Variants in DNM2 observed in about 807,000 individuals in gnomAD.
The protein encoded by DNM2 is dynamin-2.
In DNM2, 15 loss-of-function variants were observed where a neutral mutation model predicts 99.0. The ratio of observed to expected loss-of-function variants is 0.15; its 90% CI spans 0.10 to 0.23. The LOEUF is 0.23. Ranked by LOEUF, DNM2 falls within the 10% of genes least tolerant of loss-of-function variation. The pLI is 1.00. For missense variants in DNM2, 742 were observed against 1,189.4 expected, an observed-to-expected ratio of 0.62 and a Z score of 5.53; for synonymous variants, 525 against 481.2, an observed-to-expected ratio of 1.09 and a Z score of -1.19.
chr19:10,818,867 C>T lies in DNM2; in HGVS notation c.1672-1113C>T, dbSNP rs1410589196. Among the ~76,000 whole-genome samples the T allele has an allele frequency of 1.3e-5, 2 of 152,136 alleles. No homozygotes were observed. The highest frequency in any genetic ancestry group is 2.9e-5 in the Non-Finnish European group (2 of 68,020). ...CTTGCGCTGCCTGCCGTGTGGCCTT[C>T]GGCAGCCAGCTTCCCTCTCTGAGCT... On this transcript the variant is annotated intron_variant, in intron 15 of 20. Coordinates refer to ENST00000389253, the MANE Select transcript of DNM2 (RefSeq NM_001005361.3). This position sits in a 1 kb window ranked among gnomAD's most constrained non-coding sequence, Gnocchi z 4.3.
At chr19:10,805,790 C>A (rs2072312605) in intron 12 of DNM2, 126 bp from the exon 13 acceptor site, 1 of 1,158,554 alleles carries the variant, frequency 8.6e-7, no homozygotes, top group African/African-American at 1.5e-5. Flanking sequence ...GTGCAGGGGG[C>A]TTCTCTCTGC....
chr19:10,788,339 G>C (rs778336277), intron 7 of DNM2, among the ~76,000 whole-genome samples: 1 of 152,218 alleles, frequency 6.6e-6, no homozygotes, highest in Non-Finnish European at 1.5e-5. Context: ...AAAGGCCCTG[G>C]GGCAGGACTG....
At chr19:10,807,068 C>A (rs563634081) in intron 13 of DNM2, among the ~76,000 whole-genome samples, 1 of 151,594 alleles carries the variant, frequency 6.6e-6, no homozygotes, top group South Asian at 2.1e-4. Flanking sequence ...CCTTCAGTAC[C>A]TTATTATTAT....
intron 2 of DNM2, among the ~76,000 whole-genome samples, chr19:10,770,819 T>A (rs544229734): frequency 4.5e-4 from 68 of 152,306 alleles, no homozygotes; most frequent in Middle Eastern, 6.8e-3. Context: ...CCATGATTCA[T>A]TGATCTCCCA....
rs1022008763 is a variant in DNM2, at chr19:10,831,635, G to A, written c.*588G>A. ...TGCCAGAGGTGCCTTTGCTAGGCCC[G>A]GAGCCGTTGGCCCGGGCCGGCCTTG... On this transcript the variant is annotated 3_prime_UTR_variant, in exon 21 of 21. Coordinates refer to ENST00000389253, the MANE Select transcript of DNM2 (RefSeq NM_001005361.3). The surrounding 1 kb of genome is among the most constrained non-coding windows in gnomAD (Gnocchi z 4.3). 5.0e-5 allele frequency: 49 copies of A among 986,012 alleles called. No homozygotes were observed. The highest frequency in any genetic ancestry group is 5.2e-4 in the Middle Eastern group (1 of 1,938). The allele number at this position is 986,012 out of a possible 1,614,324, so 61.1% of individuals were successfully genotyped here. A position where few individuals can be genotyped will look rare whatever the true frequency, so the allele number is the denominator to read the frequency against.
chr19:10,812,945 C>T lies in DNM2; in HGVS notation c.1671+568C>T, dbSNP rs1219849352. On this transcript the variant is annotated intron_variant, in intron 15 of 20. Transcript: ENST00000389253. This position sits in a 1 kb window ranked among gnomAD's most constrained non-coding sequence, Gnocchi z 4.0. ...GATGGAGTCACTAGCAGGCTAGAAA[C>T]AGGCCCTGACCTCCAGTGCCACTGT... 6.6e-6 allele frequency among the ~76,000 whole-genome samples: 1 copy of T among 152,208 alleles called. No individual in the cohort carries two copies. The highest frequency in any genetic ancestry group is 1.5e-5 in the Non-Finnish European group (1 of 68,022).
chr19:10,759,941 G>A (rs2070561281), intron 2 of DNM2, 130 bp downstream of exon 2: 13 of 1,299,124 alleles, frequency 1.0e-5, no homozygotes, highest in Non-Finnish European at 1.4e-5. Flanking sequence ...TGTTCCACAT[G>A]TGTGAGGAAA....
At position 10,745,296 on chromosome 19, in the gene DNM2, C is replaced by T. The variant is rs180679188; in HGVS notation, c.162-14442C>T. ...TGCCAGTGGACATTTAGGTCATTAT[C>T]GGTTTTCATTCCACAAAGTACTGCC... On this transcript the variant is annotated intron_variant, in intron 1 of 20. Transcript: ENST00000389253. Among the ~76,000 whole-genome samples, 948 of 152,296 alleles carry T rather than the reference C, an allele frequency of 6.2e-3. 13 individuals carry two copies. The highest frequency in any genetic ancestry group is 0.022 in the African/African-American group (915 of 41,558).
Position 10,772,571 on chromosome 19 carries a change from G to A in DNM2, c.328G>A (p.Gly110Arg), listed in dbSNP as rs1401879264. 1 of 1,614,192 alleles carries A rather than the reference G, an allele frequency of 6.2e-7. No individual in the cohort carries two copies. Among genetic ancestry groups the A allele is most frequent in the South Asian group, 1.1e-5 (1 of 91,090 alleles). Residue 110 changes from glycine (G) to arginine (R), a missense_variant, in exon 3 of 21, where the codon GGG becomes AGG. This residue lies in a region of DNM2 where 192 missense variants were observed against 358.9 expected (regional missense o/e 0.54). Coordinates refer to ENST00000389253, the MANE Select transcript of DNM2 (RefSeq NM_001005361.3). The surrounding 1 kb of genome is among the most constrained non-coding windows in gnomAD (Gnocchi z 4.9). ...EIEAETDRVTGTNKGISPVPI... is the reference protein window; with the variant it reads ...EIEAETDRVTRTNKGISPVPI... ...TGAAGCAGAGACCGACAGGGTCACG[G>A]GGACCAACAAAGGCATCTCCCCAGT...
intron 1 of DNM2, among the ~76,000 whole-genome samples, chr19:10,723,590 T>G (rs2069014251): frequency 1.3e-5 from 2 of 152,184 alleles, no homozygotes; most frequent in Non-Finnish European, 2.9e-5. Flanking sequence ...AAATAGGAGT[T>G]ATAATAGCAC....
chr19:10,734,107 C>G (rs1267087558), intron 1 of DNM2, among the ~76,000 whole-genome samples: 1 of 151,978 alleles, frequency 6.6e-6, no homozygotes, highest in African/African-American at 2.4e-5. Context: ...GTAATCTCAG[C>G]ACTTTGGGAG....
intron 1 of DNM2, among the ~76,000 whole-genome samples, chr19:10,731,235 A>C (rs1376889995): frequency 1.3e-5 from 2 of 152,214 alleles, no homozygotes; most frequent in East Asian, 3.9e-4. Flanking sequence ...GTATGGATAC[A>C]CAGGGTCCTT....
chr19:10,764,271 C>T lies in DNM2; in HGVS notation c.235+4460C>T, dbSNP rs1300167325. 1.3e-5 allele frequency among the ~76,000 whole-genome samples: 2 copies of T among 152,174 alleles called. No individual in the cohort carries two copies. The highest frequency in any genetic ancestry group is 2.9e-5 in the Non-Finnish European group (2 of 68,030). On this transcript the variant is annotated intron_variant, in intron 2 of 20. Transcript: ENST00000389253. This position sits in a 1 kb window ranked among gnomAD's most constrained non-coding sequence, Gnocchi z 4.1. ...ATGGGGGTGATGGTGGCGCTGCCAT[C>T]GTGGCCATGGCACCCCATTGGCTGT...
chr19:10,724,454 G>A (rs1599416546), intron 1 of DNM2, among the ~76,000 whole-genome samples: 2 of 152,178 alleles, frequency 1.3e-5, no homozygotes, highest in African/African-American at 4.8e-5. Flanking sequence ...TGGGATAACA[G>A]GCGTGAGCCA....
At chr19:10,736,727 A>T (rs2069541500) in intron 1 of DNM2, among the ~76,000 whole-genome samples, 1 of 152,070 alleles carries the variant, frequency 6.6e-6, no homozygotes, top group Non-Finnish European at 1.5e-5. Flanking sequence ...ATAACTGTGT[A>T]TTATTCCATC....
intron 1 of DNM2, among the ~76,000 whole-genome samples, chr19:10,739,896 C>CAATGAAGCCA (rs1407132121): frequency 6.7e-6 from 1 of 149,114 alleles, no homozygotes; most frequent in Non-Finnish European, 1.5e-5. Context: ...AAGAATTCAC[C>CAATGAAGCCA]AATGAAGCCA....
In DNM2 at chr19:10,816,165, A is replaced by ATGC. The variant is rs1356359930; in HGVS notation, c.1671+3790_1671+3792dup. ...TTCCCCAGTGCACGTCTGCGGGCCC[A>ATGC]TGCTCCCTGACCTGAGGGACACCCC... On this transcript the variant is annotated intron_variant, in intron 15 of 20. Transcript: ENST00000389253. This position sits in a 1 kb window ranked among gnomAD's most constrained non-coding sequence, Gnocchi z 4.6. Among the ~76,000 whole-genome samples the ATGC allele has an allele frequency of 1.6e-4, 24 of 152,056 alleles. No individual in the cohort carries two copies. The highest frequency in any genetic ancestry group is 5.1e-4 in the African/African-American group (21 of 41,480).
At chr19:10,806,104 T>G in intron 13 of DNM2, 137 bp downstream of exon 13, 4 of 1,052,224 alleles carry the variant, frequency 3.8e-6, no homozygotes, top group Non-Finnish European at 5.7e-6. Flanking sequence ...CTGCTCTCTC[T>G]AGAGGCCACT....
At chr19:10,756,347 A>T (rs1479795648) in intron 1 of DNM2, among the ~76,000 whole-genome samples, 3 of 151,908 alleles carry the variant, frequency 2.0e-5, no homozygotes, top group Non-Finnish European at 4.4e-5. Flanking sequence ...CCCCGTCAGA[A>T]TGTTGGCGCC....
Sources: gnomAD v4.1 joint callset for allele counts (sites outside exome capture counted in the v4.1 genomes callset) on GRCh38, gnomAD v4.1.1 for gene constraint, gnomAD v4.1.1 regional missense constraint, Gnocchi (gnomAD v3.1) non-coding constraint, MANE v1.5 for transcripts, NCBI Gene and HGNC (gene_info 2026-07-23, HGNC 2026-07-21) for gene names.